OR51C1: variants seen among roughly 807,000 people sequenced by gnomAD.
OR51C1 encodes the protein olfactory receptor family 51 subfamily C member 1.
the OR51C1 span, among the ~76,000 whole-genome samples, chr11:4,692,844 G>A: frequency 1.4e-5 from 2 of 143,704 alleles, no homozygotes. Context: ...ACCGGAAGAA[G>A]TCTTAGTGAA....
At chr11:4,694,488 GTA>G in the OR51C1 span, among the ~76,000 whole-genome samples, 22 of 141,768 alleles carry the variant, frequency 1.6e-4, no homozygotes, top group Admixed American at 2.2e-4. Flanking sequence ...ATATATACGT[GTA>G]TATATATATA....
At chr11:4,690,902 C>A in the OR51C1 span, 3 of 456,288 alleles carry the variant, frequency 6.6e-6, no homozygotes, top group Non-Finnish European at 4.4e-6. Context: ...GGGCTTGTTT[C>A]CCAAATCTGT....
the OR51C1 span, among the ~76,000 whole-genome samples, chr11:4,696,993 C>T: frequency 7.2e-5 from 11 of 152,178 alleles, no homozygotes; most frequent in East Asian, 3.8e-4. Flanking sequence ...TTACTGGACA[C>T]GTGTTCTGTG....
the OR51C1 span, among the ~76,000 whole-genome samples, chr11:4,693,588 G>GC: frequency 2.0e-5 from 3 of 152,234 alleles, no homozygotes; most frequent in South Asian, 6.2e-4. Context: ...GGGCGTGGTG[G>GC]CGGGCGCCTG....
chr11:4,691,773 G>A, the OR51C1 span: 7 of 317,222 alleles, frequency 2.2e-5, no homozygotes, highest in South Asian at 1.1e-4. Context: ...TGTATTGATC[G>A]AATTAAAATA....
the OR51C1 span, among the ~76,000 whole-genome samples, chr11:4,696,835 A>C: frequency 6.6e-6 from 1 of 152,162 alleles, no homozygotes; most frequent in Non-Finnish European, 1.5e-5. Flanking sequence ...ACTAGACCTT[A>C]TAGTGTCATC....
At chr11:4,690,681 T>G in the OR51C1 span, 1 of 329,296 alleles carries the variant, frequency 3.0e-6, no homozygotes, top group Non-Finnish European at 5.9e-6. Flanking sequence ...TCTTTGGTTG[T>G]TTTTTGTTTT....
the OR51C1 span, among the ~76,000 whole-genome samples, chr11:4,694,530 A>G: frequency 6.6e-5 from 9 of 135,612 alleles, no homozygotes; most frequent in African/African-American, 2.1e-4. Context: ...ATACACACAC[A>G]CATATATACG....
the OR51C1 span, among the ~76,000 whole-genome samples, chr11:4,696,763 A>G: frequency 1.3e-5 from 2 of 152,152 alleles, no homozygotes; most frequent in Non-Finnish European, 2.9e-5. Flanking sequence ...TCGGATTACA[A>G]TGATGCTCCT....
chr11:4,691,496 G>A, the OR51C1 span: 6 of 456,022 alleles, frequency 1.3e-5, no homozygotes, highest in Admixed American at 2.4e-5. Flanking sequence ...GGTCAGTGGC[G>A]GACAGCATGG....
At chr11:4,693,665 T>C in the OR51C1 span, among the ~76,000 whole-genome samples, 89,379 of 151,828 alleles carry the variant, frequency 0.59, 27,258 homozygotes, top group Non-Finnish European at 0.65. Context: ...AGCTTCCAGG[T>C]GAACCGAGAT....
At chr11:4,694,149 CT>C in the OR51C1 span, among the ~76,000 whole-genome samples, 1 of 152,110 alleles carries the variant, frequency 6.6e-6, no homozygotes, top group Non-Finnish European at 1.5e-5. Context: ...TTCTTCATAT[CT>C]CCCATTACCT....
the OR51C1 span, chr11:4,691,555 C>T: frequency 2.0e-5 from 9 of 456,660 alleles, no homozygotes; most frequent in African/African-American, 8.0e-5. Context: ...GTGATGGTAG[C>T]GAAGAGGATC....
the OR51C1 span, among the ~76,000 whole-genome samples, chr11:4,696,404 A>G: frequency 2.6e-5 from 4 of 152,050 alleles, no homozygotes; most frequent in Non-Finnish European, 4.4e-5. Context: ...TCTCTCTCTC[A>G]TCCCTTACAT....
chr11:4,691,515 T>C, the OR51C1 span: 97 of 456,460 alleles, frequency 2.1e-4, 1 homozygote, highest in South Asian at 1.5e-3. Flanking sequence ...GGAGAGGAAA[T>C]AGTACATTGG....
the OR51C1 span, among the ~76,000 whole-genome samples, chr11:4,692,651 T>C: frequency 2.6e-5 from 4 of 151,626 alleles, no homozygotes; most frequent in Admixed American, 2.6e-4. Flanking sequence ...AAAACAGAGA[T>C]TAGGGTTGTG....
chr11:4,692,360 G>A, the OR51C1 span, among the ~76,000 whole-genome samples: 7 of 152,168 alleles, frequency 4.6e-5, no homozygotes, highest in African/African-American at 1.7e-4. Flanking sequence ...CCTCCCACCA[G>A]GCTTAGGAAG....
the OR51C1 span, among the ~76,000 whole-genome samples, chr11:4,696,444 C>A: frequency 6.6e-6 from 1 of 152,102 alleles, no homozygotes; most frequent in African/African-American, 2.4e-5. Context: ...TGATTCTACT[C>A]CTGAAATGTA....
chr11:4,693,773 A>G, the OR51C1 span, among the ~76,000 whole-genome samples: 1 of 152,108 alleles, frequency 6.6e-6, no homozygotes, highest in Non-Finnish European at 1.5e-5. Flanking sequence ...CACTTGTAAC[A>G]CTTCTCTTGA....
Sources: allele counts gnomAD v4.1 joint callset (sites outside exome capture counted in the v4.1 genomes callset), GRCh38; gene constraint gnomAD v4.1.1; transcripts MANE v1.5; gene names NCBI Gene and HGNC (gene_info 2026-07-23, HGNC 2026-07-21).